The following STXBP5L variants were observed in gnomAD, a reference collection of about 807,000 sequenced individuals.
STXBP5L encodes syntaxin binding protein 5L, also known as syntaxin-binding protein 5-like.
Under a neutral mutation model 144.5 loss-of-function variants are expected in STXBP5L, and 65 were observed. The observed-to-expected ratio is 0.45, with a 90% CI of 0.37 to 0.55. The LOEUF (loss-of-function observed/expected upper bound fraction) is 0.55. Among genes scored for constraint, STXBP5L ranks in the 20% least tolerant of loss-of-function variants. The pLI, the probability that STXBP5L is intolerant of heterozygous loss-of-function variation, is 0.00. For synonymous variants in STXBP5L, 505 were observed against 469.6 expected, an observed-to-expected ratio of 1.08 and a Z score of -0.97; for missense variants, 1,298 against 1,405.5, an observed-to-expected ratio of 0.92 and a Z score of 1.22.
Position 121,423,099 on chromosome 3 carries a change from AAAG to A in STXBP5L, c.*4005_*4007del, listed in dbSNP as rs963025058. 7 of 152,196 alleles carry A rather than the reference AAAG, an allele frequency of 4.6e-5. No individual in the cohort carries two copies. Among genetic ancestry groups the A allele is most frequent in the Admixed American group, 2.0e-4 (3 of 15,268 alleles). The allele number at this position is 152,196 out of a possible 1,614,324, so 9.4% of individuals were successfully genotyped here. A position where few individuals can be genotyped will look rare whatever the true frequency, so the allele number is the denominator to read the frequency against. ...GATTACAACCTGCTGCTATGAGAAA[AAAG>A]AATTGTAACTTGACCATGTTGGCTC... On this transcript the variant is annotated 3_prime_UTR_variant, in exon 27 of 27. Coordinates refer to ENST00000471454, the MANE Select transcript of STXBP5L (RefSeq NM_001308330.2).
intron 9 of STXBP5L, among the ~76,000 whole-genome samples, chr3:121,184,306 T>C (rs556757179): frequency 6.1e-5 from 6 of 98,276 alleles, no homozygotes; most frequent in South Asian, 4.5e-4. Flanking sequence ...GTAAGGAAGT[T>C]AAGAACCTTG....
intron 3 of STXBP5L, among the ~76,000 whole-genome samples, chr3:120,963,753 C>T (rs1199603321): frequency 1.3e-5 from 2 of 152,050 alleles, no homozygotes; most frequent in African/African-American, 4.8e-5. Flanking sequence ...TGTGTCCCTG[C>T]CAGGCTTTTG....
At chr3:121,058,129 C>G (rs952458813) in intron 5 of STXBP5L, among the ~76,000 whole-genome samples, 11 of 152,158 alleles carry the variant, frequency 7.2e-5, no homozygotes, top group African/African-American at 2.7e-4. Context: ...CTCCCCTACA[C>G]CCCCATCACC....
chr3:121,044,742 C>G (rs1394986969), intron 4 of STXBP5L, among the ~76,000 whole-genome samples: 1 of 152,082 alleles, frequency 6.6e-6, no homozygotes, highest in Non-Finnish European at 1.5e-5. Flanking sequence ...TATTATCTGT[C>G]CACATGCTTT....
intron 21 of STXBP5L, among the ~76,000 whole-genome samples, chr3:121,380,297 A>G (rs1353843497): frequency 6.6e-6 from 1 of 152,156 alleles, no homozygotes; most frequent in East Asian, 1.9e-4. Context: ...ATTTTTATAA[A>G]TTTGCTAAGA....
chr3:121,304,747 A>G (rs1285884298), intron 19 of STXBP5L, among the ~76,000 whole-genome samples: 1 of 152,120 alleles, frequency 6.6e-6, no homozygotes, highest in East Asian at 1.9e-4. Flanking sequence ...ATTAGATGTT[A>G]TGTTAGATTT....
At chr3:121,038,650 T>G (rs1399016964) in intron 3 of STXBP5L, among the ~76,000 whole-genome samples, 1 of 151,976 alleles carries the variant, frequency 6.6e-6, no homozygotes, top group African/African-American at 2.4e-5. Context: ...TTCTTCATTT[T>G]TACTGATTTT....
In STXBP5L at chr3:121,365,664, G is replaced by C. The variant is rs117330140; in HGVS notation, c.2177-13052G>C. On this transcript the variant is annotated intron_variant, in intron 20 of 26. Coordinates refer to ENST00000471454, the MANE Select transcript of STXBP5L (RefSeq NM_001308330.2). ...TTAGTAATTTGACTCTTCTCTCTCTGTTTCTTCTTACATGTAACTAAAGTT... is the reference window on the plus strand; with the variant it reads ...TTAGTAATTTGACTCTTCTCTCTCTCTTTCTTCTTACATGTAACTAAAGTT... 8.0e-5 allele frequency among the ~76,000 whole-genome samples: 12 copies of C among 150,912 alleles called. No homozygotes were observed. The East Asian group carries it at 1.8e-3, about 22-fold the overall frequency.
At chr3:121,284,354 T>C (rs2108448722) in intron 19 of STXBP5L, among the ~76,000 whole-genome samples, 1 of 152,166 alleles carries the variant, frequency 6.6e-6, no homozygotes, top group Admixed American at 6.6e-5. Context: ...TTACTTTCTA[T>C]AGTAAGCCTT....
At chr3:120,981,721 TC>T (rs1941792832) in intron 3 of STXBP5L, among the ~76,000 whole-genome samples, 1 of 152,356 alleles carries the variant, frequency 6.6e-6, no homozygotes, top group African/African-American at 2.4e-5. Context: ...GCTGATGTGA[TC>T]CTTTGCAGGT....
chr3:120,979,085 CA>C (rs1559943970), intron 3 of STXBP5L, among the ~76,000 whole-genome samples: 2 of 152,216 alleles, frequency 1.3e-5, no homozygotes, highest in Non-Finnish European at 2.9e-5. Flanking sequence ...AGCTGTCAGA[CA>C]GGGACATTTA....
rs1576591430 is a variant in STXBP5L, at chr3:120,990,846, C to A, written c.287+35809C>A. On this transcript the variant is annotated intron_variant, in intron 3 of 26. Coordinates refer to ENST00000471454, the MANE Select transcript of STXBP5L (RefSeq NM_001308330.2). ...AAATTAATTCAAGATGGATTAAAGA[C>A]TTAAATGTTAGACCTAAAACCATAA... Among the ~76,000 whole-genome samples the A allele has an allele frequency of 1.1e-4, 17 of 152,320 alleles. No individual in the cohort carries two copies. In the South Asian group the frequency reaches 3.5e-3, roughly 32 times the overall value.
chr3:121,389,496 T>C (rs1484289011), intron 22 of STXBP5L, among the ~76,000 whole-genome samples: 1 of 152,242 alleles, frequency 6.6e-6, no homozygotes, highest in Non-Finnish European at 1.5e-5. Flanking sequence ...ATTTTAGATC[T>C]TTCCTGCTTT....
intron 5 of STXBP5L, among the ~76,000 whole-genome samples, chr3:121,046,290 T>A (rs1243298663): frequency 6.6e-6 from 1 of 152,202 alleles, no homozygotes; most frequent in Non-Finnish European, 1.5e-5. Context: ...AATTTTTACA[T>A]CTGTGTTCAT....
chr3:121,090,736 G>T (rs1408319814), intron 5 of STXBP5L, among the ~76,000 whole-genome samples: 2 of 151,472 alleles, frequency 1.3e-5, no homozygotes, highest in Non-Finnish European at 3.0e-5. Context: ...ACTTCATGGG[G>T]ACACAATTAG....
intron 3 of STXBP5L, among the ~76,000 whole-genome samples, chr3:120,991,913 T>A (rs1942923552): frequency 6.6e-6 from 1 of 152,174 alleles, no homozygotes; most frequent in South Asian, 2.1e-4. Context: ...TATACATATG[T>A]AACTAACATG....
At chr3:121,229,629 C>T (rs1355942127) in intron 11 of STXBP5L, among the ~76,000 whole-genome samples, 2 of 152,124 alleles carry the variant, frequency 1.3e-5, no homozygotes, top group Admixed American at 6.5e-5. Flanking sequence ...GATCATGGCT[C>T]ACTGCAGCCT....
intron 20 of STXBP5L, among the ~76,000 whole-genome samples, chr3:121,337,345 G>T (rs2044542253): frequency 6.6e-6 from 1 of 151,344 alleles, no homozygotes; most frequent in African/African-American, 2.4e-5. Context: ...CGAGGTAAAG[G>T]GGTGGAAAAA....
At chr3:121,052,702 C>T (rs1296270681) in intron 5 of STXBP5L, among the ~76,000 whole-genome samples, 1 of 152,032 alleles carries the variant, frequency 6.6e-6, no homozygotes, top group Non-Finnish European at 1.5e-5. Context: ...GGGATGCCCT[C>T]TCTCACCACT....
Sources: allele counts gnomAD v4.1 joint callset (sites outside exome capture counted in the v4.1 genomes callset), GRCh38; gene constraint gnomAD v4.1.1; transcripts MANE v1.5; gene names NCBI Gene and HGNC (gene_info 2026-07-23, HGNC 2026-07-21).